Variants in TOR1AIP2 observed in about 807,000 individuals in gnomAD.
TOR1AIP2 encodes the protein torsin-1A-interacting protein 2.
TOR1AIP2 carries 20 observed loss-of-function variants against 32.6 expected under a neutral mutation model. That is an observed-to-expected ratio of 0.61 (90% CI 0.43 to 0.89). TOR1AIP2 has a LOEUF of 0.89. Among genes scored for constraint, TOR1AIP2 ranks in the 40% least tolerant of loss-of-function variants. The pLI is 0.00. For missense variants in TOR1AIP2, 456 were observed against 553.8 expected (o/e 0.82, Z 1.77); for synonymous variants, 214 against 210.8 (o/e 1.02, Z -0.13).
intron 3 of TOR1AIP2, among the ~76,000 whole-genome samples, chr1:179,857,617 A>G (rs1019378288): frequency 6.6e-6 from 1 of 152,200 alleles, no homozygotes; most frequent in Non-Finnish European, 1.5e-5. Context: ...GGTAGGTGAC[A>G]TTGTGTGGTA....
chr1:179,850,836 T>C lies in TOR1AIP2; in HGVS notation c.553+9A>G. On this transcript the variant is annotated intron_variant, in intron 5 of 6. Transcript: ENST00000609928. ...CAAAACAGGAGAGTAGTTCAGGGGGTTCTCTTACCTGGGGCCAGCAGTCGC... is the reference window on the plus strand; with the variant it reads ...CAAAACAGGAGAGTAGTTCAGGGGGCTCTCTTACCTGGGGCCAGCAGTCGC... The C allele has an allele frequency of 6.2e-7, 1 of 1,609,966 alleles. No homozygotes were observed. The highest frequency in any genetic ancestry group is 8.5e-7 in the Non-Finnish European group (1 of 1,177,516).
intron 3 of TOR1AIP2, among the ~76,000 whole-genome samples, chr1:179,856,253 T>C (rs1696297378): frequency 6.6e-6 from 1 of 152,238 alleles, no homozygotes; most frequent in Non-Finnish European, 1.5e-5. Flanking sequence ...TGTACATTAA[T>C]TGTATGTGAC....
chr1:179,849,139 A>G (rs1221504367), intron 5 of TOR1AIP2, among the ~76,000 whole-genome samples: 1 of 152,186 alleles, frequency 6.6e-6, no homozygotes, highest in Non-Finnish European at 1.5e-5. Context: ...CCATCTCAAA[A>G]AAACAAAAAA....
rs1224502527 is a variant in TOR1AIP2, at chr1:179,846,218, G to A, written c.1266C>T (p.Leu422=). The A allele has an allele frequency of 6.2e-7, 1 of 1,614,188 alleles. No homozygotes were observed. Among genetic ancestry groups the A allele is most frequent in the East Asian group, 2.2e-5 (1 of 44,886 alleles). The change falls in exon 7 of 7, where the codon CTC becomes CTT. Residue 422 remains leucine (L), a synonymous_variant. Transcript: ENST00000609928. The part of the protein sequence containing the change: ...RETEEKVRDL[L]WAKFTNSDTP... ...TGTCAGAGTTGGTAAACTTGGCCCA[G>A]AGTAAGTCTCTCACTTTTTCTTCCG...
Position 179,846,406 on chromosome 1 carries a change from T to C in TOR1AIP2, c.1078A>G (p.Lys360Glu). The C allele has an allele frequency of 6.2e-7, 1 of 1,614,202 alleles. No homozygotes were observed. The highest frequency in any genetic ancestry group is 2.2e-5 in the East Asian group (1 of 44,884). Residue 360 changes from lysine to glutamate, a missense_variant, in exon 7 of 7, where the codon AAG becomes GAG. Physicochemically the swap from Lys to Glu is moderately conservative, Grantham distance 56. Transcript: ENST00000609928. ...TCGAAGTGGTGTACCACAGCAGCCTTCTGGCCATTCTCAAACCCATAGCTC... is the reference window on the plus strand; with the variant it reads ...TCGAAGTGGTGTACCACAGCAGCCTCCTGGCCATTCTCAAACCCATAGCTC... ...ELSYGFENGQ[K>E]AAVVHHFESF... is the part of the protein sequence containing the mutation.
chr1:179,864,551 T>G, intron 3 of TOR1AIP2: 1 of 1,256,748 alleles, frequency 8.0e-7, no homozygotes, highest in South Asian at 2.7e-5. Flanking sequence ...CGGATTAGCC[T>G]CAGTCTAGAT....
chr1:179,856,895 A>T (rs1281413), intron 3 of TOR1AIP2, among the ~76,000 whole-genome samples: 57 of 152,050 alleles, frequency 3.7e-4, no homozygotes, highest in Non-Finnish European at 4.9e-4. Flanking sequence ...GATTACAGGC[A>T]TGAGCCACTG....
chr1:179,870,831 T>G (rs1696985439), intron 2 of TOR1AIP2, among the ~76,000 whole-genome samples: 1 of 152,236 alleles, frequency 6.6e-6, no homozygotes, highest in African/African-American at 2.4e-5. Flanking sequence ...AGCAGCTGAT[T>G]TAAGGTAAGT....
chr1:179,851,259 A>T lies in TOR1AIP2; in HGVS notation c.139T>A (p.Cys47Ser), dbSNP rs151336469. The change falls in exon 5 of 7, where the codon TGT becomes AGT. Residue 47 changes from cysteine to serine, a missense_variant. Coordinates refer to ENST00000609928, the MANE Select transcript of TOR1AIP2 (RefSeq NM_001199260.2). ...AEEAEILHSA[C>S]GLSKDHQEVE... The stretch of plus-strand genomic sequence containing the variant: ...TCTTGGTGGTCTTTGCTAAGACCAC[A>T]GGCAGAGTGTAGGATCTCAGCTTCT... 3.1e-6 allele frequency: 5 copies of T among 1,612,426 alleles called. No individual in the cohort carries two copies. In the Admixed American group the frequency reaches 8.3e-5, roughly 27 times the overall value.
At chr1:179,856,045 T>A (rs1353194227) in intron 3 of TOR1AIP2, among the ~76,000 whole-genome samples, 2 of 150,798 alleles carry the variant, frequency 1.3e-5, no homozygotes, top group Non-Finnish European at 3.0e-5. Flanking sequence ...TAGCCAGGCG[T>A]GGTGGTGCAT....
chr1:179,869,504 A>G (rs1696930063), intron 2 of TOR1AIP2, among the ~76,000 whole-genome samples: 1 of 152,226 alleles, frequency 6.6e-6, no homozygotes, highest in Non-Finnish European at 1.5e-5. Context: ...TTTAAAAGAG[A>G]AAGAGGTTAA....
intron 3 of TOR1AIP2, chr1:179,864,382 C>T (rs947542845): frequency 3.5e-5 from 35 of 991,308 alleles, no homozygotes; most frequent in South Asian, 2.3e-4. Context: ...CCAGCTATAA[C>T]GAGGCTGCTT....
At chr1:179,859,185 A>G in intron 3 of TOR1AIP2, 7 of 984,898 alleles carry the variant, frequency 7.1e-6, no homozygotes, top group Non-Finnish European at 8.4e-6. Context: ...AGCATATACA[A>G]CAACTATAAG....
At chr1:179,847,350 G>C (rs1695948093) in intron 6 of TOR1AIP2, among the ~76,000 whole-genome samples, 185 bp downstream of exon 6, 1 of 152,140 alleles carries the variant, frequency 6.6e-6, no homozygotes, top group African/African-American at 2.4e-5. Context: ...ATATCAGCCA[G>C]CACCCGTAAG....
chr1:179,852,324 A>G (rs1696148389), intron 4 of TOR1AIP2, among the ~76,000 whole-genome samples: 1 of 152,016 alleles, frequency 6.6e-6, no homozygotes, highest in Non-Finnish European at 1.5e-5. Context: ...ATAGCACATC[A>G]CAGGATATAT....
At chr1:179,850,510 T>C (rs537744078) in intron 5 of TOR1AIP2, among the ~76,000 whole-genome samples, 70 of 152,364 alleles carry the variant, frequency 4.6e-4, no homozygotes, top group African/African-American at 1.7e-3. Context: ...AGTCGAAATA[T>C]TCTCATAAGA....
intron 2 of TOR1AIP2, among the ~76,000 whole-genome samples, chr1:179,876,553 T>C (rs1647322968): frequency 6.6e-6 from 1 of 152,132 alleles, no homozygotes; most frequent in Admixed American, 6.5e-5. Flanking sequence ...CCACACAAAG[T>C]CTTCCAAAAA....
intron 6 of TOR1AIP2, 76 bp from the exon 7 acceptor site, chr1:179,846,904 T>C: frequency 6.8e-7 from 1 of 1,469,860 alleles, no homozygotes; most frequent in Non-Finnish European, 9.0e-7. Flanking sequence ...TAAACTGAAA[T>C]GAGGCAGAGA....
chr1:179,848,818 CT>C (rs1449791188), intron 5 of TOR1AIP2, among the ~76,000 whole-genome samples: 1 of 152,216 alleles, frequency 6.6e-6, no homozygotes, highest in African/African-American at 2.4e-5. Flanking sequence ...TATTAAAGAT[CT>C]TGCCCAAGGT....
Sources: allele counts gnomAD v4.1 joint callset (sites outside exome capture counted in the v4.1 genomes callset), GRCh38; gene constraint gnomAD v4.1.1; transcripts MANE v1.5; gene names NCBI Gene and HGNC (gene_info 2026-07-23, HGNC 2026-07-21).